PKP4: variants seen among roughly 807,000 people sequenced by gnomAD.
PKP4 encodes the protein plakophilin-4.
Under a neutral mutation model 145.1 loss-of-function variants are expected in PKP4, and 90 were observed. The observed-to-expected ratio is 0.62, with a 90% CI of 0.52 to 0.74. The LOEUF is 0.74. Ranked by LOEUF, PKP4 falls within the 30% of genes least tolerant of loss-of-function variation. The pLI, the probability that PKP4 is intolerant of heterozygous loss-of-function variation, is 0.00. For missense variants in PKP4, 1,340 were observed against 1,482.7 expected (o/e 0.90, Z 1.58); for synonymous variants, 563 against 577.2 (o/e 0.98, Z 0.35).
intron 1 of PKP4, among the ~76,000 whole-genome samples, chr2:158,507,507 G>A (rs762601968): frequency 4.6e-5 from 7 of 152,114 alleles, no homozygotes; most frequent in Non-Finnish European, 1.0e-4. Flanking sequence ...GTTTCATCTG[G>A]CACTTTGCCA....
rs112887361 is a variant in PKP4, at chr2:158,563,810, C to G, written c.133-13461C>G. On this transcript the variant is annotated intron_variant, in intron 2 of 21. Coordinates refer to ENST00000389759, the MANE Select transcript of PKP4 (RefSeq NM_003628.6). ...TTCATAGCATCACCAATGCTGTGTACTTTCGAATCTGATGTGTTGTTTCCA... is the reference window on the plus strand; with the variant it reads ...TTCATAGCATCACCAATGCTGTGTAGTTTCGAATCTGATGTGTTGTTTCCA... 1.0e-3 allele frequency among the ~76,000 whole-genome samples: 158 copies of G among 151,998 alleles called. 1 individual carries two copies. The highest frequency in any genetic ancestry group is 3.7e-3 in the African/African-American group (152 of 41,440).
Position 158,663,084 on chromosome 2 carries a change from A to T in PKP4, c.2399A>T (p.Asp800Val), listed in dbSNP as rs954397014. 6.2e-6 allele frequency: 10 copies of T among 1,600,312 alleles called. No homozygotes were observed. Among genetic ancestry groups the T allele is most frequent in the African/African-American group, 1.4e-5 (1 of 73,856 alleles). Residue 800 changes from aspartate to valine, a missense_variant, in exon 14 of 22, where the codon GAT becomes GTT. Coordinates refer to ENST00000389759, the MANE Select transcript of PKP4 (RefSeq NM_003628.6). ...AAGAAAAAGAGGACTCCGCAAGAAG[A>T]TCAAGTTAGCATTTTATTTTATATG... ...KKKKKRTPQE[D>V]QWDGVGPIPG...
At chr2:158,654,215 T>C (rs2055681440) in intron 11 of PKP4, among the ~76,000 whole-genome samples, 1 of 152,198 alleles carries the variant, frequency 6.6e-6, no homozygotes, top group African/African-American at 2.4e-5. Context: ...CATGGTGAAG[T>C]GCAGGATTAG....
At chr2:158,513,536 T>C (rs2041692076) in intron 1 of PKP4, among the ~76,000 whole-genome samples, 1 of 152,188 alleles carries the variant, frequency 6.6e-6, no homozygotes, top group Non-Finnish European at 1.5e-5. Flanking sequence ...TGGAGATTTC[T>C]TCTTTTTGAT....
intron 1 of PKP4, among the ~76,000 whole-genome samples, chr2:158,501,666 T>C (rs2105496874): frequency 7.4e-6 from 1 of 134,570 alleles, no homozygotes; most frequent in Middle Eastern, 3.8e-3. Context: ...TTAAGTGTTT[T>C]GTTGAAGAGG....
intron 1 of PKP4, among the ~76,000 whole-genome samples, chr2:158,484,592 T>C (rs899119561): frequency 6.6e-6 from 1 of 152,230 alleles, no homozygotes; most frequent in African/African-American, 2.4e-5. Context: ...CTGTTGAATA[T>C]ACACGTAGAT....
At chr2:158,621,555 G>A (rs1184604831) in intron 6 of PKP4, 134 bp downstream of exon 6, 2 of 653,132 alleles carry the variant, frequency 3.1e-6, no homozygotes, top group Admixed American at 5.9e-5. Flanking sequence ...AGACCAGCCT[G>A]CCTAACATGG....
At chr2:158,576,014 T>G (rs1187157850) in intron 2 of PKP4, among the ~76,000 whole-genome samples, 1 of 152,204 alleles carries the variant, frequency 6.6e-6, no homozygotes, top group Non-Finnish European at 1.5e-5. Flanking sequence ...ACAGCATTAT[T>G]GAGCCAGCTA....
intron 3 of PKP4, among the ~76,000 whole-genome samples, chr2:158,579,511 G>A (rs906515744): frequency 6.6e-6 from 1 of 151,918 alleles, no homozygotes; most frequent in Admixed American, 6.5e-5. Flanking sequence ...GAGAATCAGT[G>A]AGCAAAAGAG....
intron 1 of PKP4, among the ~76,000 whole-genome samples, chr2:158,488,469 A>G (rs543011958): frequency 2.0e-5 from 3 of 152,170 alleles, no homozygotes; most frequent in Admixed American, 6.5e-5. Flanking sequence ...TGCCCCTTGT[A>G]TTGTCCCACT....
chr2:158,554,477 G>A (rs749297549), intron 2 of PKP4, among the ~76,000 whole-genome samples: 1 of 149,678 alleles, frequency 6.7e-6, no homozygotes, highest in Non-Finnish European at 1.5e-5. Context: ...CCAGGCTGGA[G>A]TGCAGTGGTG....
chr2:158,656,778 C>T (rs76793918), intron 11 of PKP4, among the ~76,000 whole-genome samples: 4,605 of 152,298 alleles, frequency 0.03, 122 homozygotes, highest in Non-Finnish European at 0.05. Flanking sequence ...GATTGTTTCA[C>T]TCTCTTCACT....
At chr2:158,573,325 GCT>G (rs886817416) in intron 2 of PKP4, among the ~76,000 whole-genome samples, 9 of 152,158 alleles carry the variant, frequency 5.9e-5, no homozygotes, top group African/African-American at 2.2e-4. Context: ...GCCATTTATG[GCT>G]CTCTAAATAG....
intron 21 of PKP4, among the ~76,000 whole-genome samples, chr2:158,679,575 C>T (rs1305503146): frequency 6.6e-6 from 1 of 152,178 alleles, no homozygotes; most frequent in Admixed American, 6.5e-5. Context: ...AAATTTGTTA[C>T]ATCTTACTAA....
chr2:158,502,037 C>T (rs950879598), intron 1 of PKP4, among the ~76,000 whole-genome samples: 2 of 152,160 alleles, frequency 1.3e-5, no homozygotes, highest in Non-Finnish European at 2.9e-5. Context: ...TGAAGGTTTT[C>T]TGAGGGCTGG....
At chr2:158,634,388 T>G in intron 9 of PKP4, 99 bp downstream of exon 9, 1 of 762,978 alleles carries the variant, frequency 1.3e-6, no homozygotes, top group Non-Finnish European at 2.2e-6. Flanking sequence ...TATTATACTA[T>G]CATTATACTA....
At chr2:158,531,740 C>G (rs551303273) in intron 1 of PKP4, among the ~76,000 whole-genome samples, 1 of 152,292 alleles carries the variant, frequency 6.6e-6, no homozygotes, top group East Asian at 1.9e-4. Flanking sequence ...CTACTCATCT[C>G]ATGTCTCAGG....
intron 1 of PKP4, among the ~76,000 whole-genome samples, chr2:158,466,486 TAGG>T (rs2105387574): frequency 6.6e-6 from 1 of 151,622 alleles, no homozygotes; most frequent in Non-Finnish European, 1.5e-5. Flanking sequence ...CACTTGAGAT[TAGG>T]AGTTCAAGAC....
At chr2:158,591,423 TA>T (rs1319147078) in intron 3 of PKP4, among the ~76,000 whole-genome samples, 1 of 152,086 alleles carries the variant, frequency 6.6e-6, no homozygotes, top group Non-Finnish European at 1.5e-5. Context: ...TGCTTCAAAA[TA>T]ATCCAGTAAT....
Sources: gnomAD v4.1 joint callset for allele counts (sites outside exome capture counted in the v4.1 genomes callset) on GRCh38, gnomAD v4.1.1 for gene constraint, MANE v1.5 for transcripts, NCBI Gene and HGNC (gene_info 2026-07-23, HGNC 2026-07-21) for gene names.